The following XRCC4 variants were observed in gnomAD, a reference collection of about 807,000 sequenced individuals.
The protein encoded by XRCC4 is DNA repair protein XRCC4.
In XRCC4, 28 loss-of-function variants were observed where a neutral mutation model predicts 39.1. That is an observed-to-expected ratio of 0.72 (90% CI 0.53 to 0.98). The LOEUF is 0.98. Ranked by LOEUF, XRCC4 falls within the 50% of genes least tolerant of loss-of-function variation. XRCC4 has a pLI of 0.00. For missense variants in XRCC4, 350 were observed against 376.4 expected, an observed-to-expected ratio of 0.93 and a Z score of 0.58; for synonymous variants, 123 against 126.4, an observed-to-expected ratio of 0.97 and a Z score of 0.18.
At chr5:83,175,951 C>A (rs1749935423) in intron 3 of XRCC4, among the ~76,000 whole-genome samples, 1 of 152,024 alleles carries the variant, frequency 6.6e-6, no homozygotes, top group Admixed American at 6.6e-5. Flanking sequence ...CATAATGAGA[C>A]CAGGAGTTCA....
chr5:83,193,857 A>G (rs994182039), intron 3 of XRCC4, among the ~76,000 whole-genome samples: 1 of 152,052 alleles, frequency 6.6e-6, no homozygotes, highest in Non-Finnish European at 1.5e-5. Flanking sequence ...AAGTAAGCTT[A>G]TTTTTTTCTC....
chr5:83,171,720 C>T (rs1749735349), intron 3 of XRCC4, among the ~76,000 whole-genome samples: 1 of 152,142 alleles, frequency 6.6e-6, no homozygotes, highest in Non-Finnish European at 1.5e-5. Context: ...ATGCCTTAGC[C>T]TAGCATTCAT....
chr5:83,337,950 A>G (rs1756642580), intron 7 of XRCC4, among the ~76,000 whole-genome samples: 1 of 152,198 alleles, frequency 6.6e-6, no homozygotes, highest in African/African-American at 2.4e-5. Flanking sequence ...AAACAATAAC[A>G]TAAGAACTTG....
intron 7 of XRCC4, among the ~76,000 whole-genome samples, chr5:83,303,397 C>T (rs1755364527): frequency 6.6e-6 from 1 of 151,984 alleles, no homozygotes; most frequent in Admixed American, 6.6e-5. Flanking sequence ...AACATTTGTA[C>T]ATTTGTAAGA....
At chr5:83,093,552 T>C (rs531492862) in intron 1 of XRCC4, among the ~76,000 whole-genome samples, 5 of 152,224 alleles carry the variant, frequency 3.3e-5, no homozygotes, top group African/African-American at 9.6e-5. Flanking sequence ...ATAGATTGTA[T>C]GTTAGTTCAC....
rs558960212 is a variant in XRCC4 at position 83,300,270 on chromosome 5, G to A, written c.893+41593G>A. Among the ~76,000 whole-genome samples, 8 of 152,002 alleles carry A rather than the reference G, an allele frequency of 5.3e-5. No homozygotes were observed. In the South Asian group the frequency reaches 1.7e-3, roughly 32 times the overall value. On this transcript the variant is annotated intron_variant, in intron 7 of 7. Transcript: ENST00000396027. ...TGTCTCTCCCTGATGTGCTTCCCAA[G>A]TCTGTAAAAATACCTCACTAGCTCT...
intron 7 of XRCC4, among the ~76,000 whole-genome samples, chr5:83,303,109 AG>A (rs1239464675): frequency 6.7e-6 from 1 of 150,074 alleles, no homozygotes; most frequent in Admixed American, 6.7e-5. Flanking sequence ...GCTACTTGGG[AG>A]GCTGAGGCAG....
chr5:83,325,565 G>T (rs972043414), intron 7 of XRCC4, among the ~76,000 whole-genome samples: 15 of 152,022 alleles, frequency 9.9e-5, no homozygotes, highest in African/African-American at 3.6e-4. Context: ...GTTATGTTTG[G>T]TTTTCTGTTC....
chr5:83,126,483 A>G (rs1227917352), intron 3 of XRCC4, among the ~76,000 whole-genome samples: 2 of 152,140 alleles, frequency 1.3e-5, no homozygotes, highest in Non-Finnish European at 2.9e-5. Context: ...GTTATCTGCA[A>G]ATAGATGCAG....
chr5:83,308,153 A>T (rs139737095), intron 7 of XRCC4, among the ~76,000 whole-genome samples: 12 of 152,214 alleles, frequency 7.9e-5, no homozygotes, highest in Non-Finnish European at 1.5e-4. Context: ...TTGTTAGAAG[A>T]TATCTACAAT....
At chr5:83,160,730 A>G (rs900531990) in intron 3 of XRCC4, among the ~76,000 whole-genome samples, 2 of 151,968 alleles carry the variant, frequency 1.3e-5, no homozygotes, top group Non-Finnish European at 2.9e-5. Flanking sequence ...TTCTCTATGT[A>G]TTTCTATGAT....
At chr5:83,275,547 G>A (rs1191871524) in intron 7 of XRCC4, among the ~76,000 whole-genome samples, 2 of 151,976 alleles carry the variant, frequency 1.3e-5, no homozygotes, top group Admixed American at 6.5e-5. Context: ...CGCCCGCCTC[G>A]GCCTCCCAAA....
intron 7 of XRCC4, among the ~76,000 whole-genome samples, chr5:83,304,551 T>C (rs995966884): frequency 2.0e-5 from 3 of 152,222 alleles, no homozygotes; most frequent in African/African-American, 7.2e-5. Context: ...TTTATTGATG[T>C]ATAGAATTTT....
chr5:83,297,363 A>G (rs1755130867), intron 7 of XRCC4, among the ~76,000 whole-genome samples: 1 of 151,994 alleles, frequency 6.6e-6, no homozygotes, highest in Non-Finnish European at 1.5e-5. Flanking sequence ...ACATACTTTT[A>G]TATGTTAGCC....
intron 3 of XRCC4, among the ~76,000 whole-genome samples, chr5:83,120,818 A>G (rs564653767): frequency 1.2e-4 from 19 of 152,340 alleles, no homozygotes; most frequent in Middle Eastern, 3.4e-3. Flanking sequence ...AAATGTGCAT[A>G]TAGAAAGTAT....
At chr5:83,162,144 G>A (rs562844004) in intron 3 of XRCC4, among the ~76,000 whole-genome samples, 2 of 152,278 alleles carry the variant, frequency 1.3e-5, no homozygotes, top group East Asian at 3.9e-4. Flanking sequence ...TCCAGCCTGG[G>A]CGACAGAGCG....
chr5:83,109,560 A>G (rs1359480008), intron 2 of XRCC4, among the ~76,000 whole-genome samples: 1 of 151,994 alleles, frequency 6.6e-6, no homozygotes, highest in Non-Finnish European at 1.5e-5. Context: ...CCACACACAC[A>G]TTCCAACAAA....
intron 1 of XRCC4, among the ~76,000 whole-genome samples, chr5:83,082,002 C>T (rs946513306): frequency 6.6e-6 from 1 of 152,068 alleles, no homozygotes; most frequent in African/African-American, 2.4e-5. Context: ...TTGACTCCTT[C>T]CTTTCTCTTG....
At position 83,203,538 on chromosome 5, in the gene XRCC4, A is replaced by G; in HGVS notation, c.483-14A>G. On this transcript the variant is annotated splice_polypyrimidine_tract_variant and intron_variant, in intron 4 of 7. Coordinates refer to ENST00000396027, the MANE Select transcript of XRCC4 (RefSeq NM_003401.5). Reference sequence around the variant, plus strand: ...AACTGCATGACTAATTTGTTTACTTATTTACTTTTTTAGATTTGAAAAATG... The same window carrying G: ...AACTGCATGACTAATTTGTTTACTTGTTTACTTTTTTAGATTTGAAAAATG... 2 of 1,574,380 alleles carry G rather than the reference A, an allele frequency of 1.3e-6. No homozygotes were observed. The highest frequency in any genetic ancestry group is 1.7e-4 in the Middle Eastern group (1 of 5,806).
Sources: gnomAD v4.1 joint callset for allele counts (sites outside exome capture counted in the v4.1 genomes callset) on GRCh38, gnomAD v4.1.1 for gene constraint, MANE v1.5 for transcripts, NCBI Gene and HGNC (gene_info 2026-07-23, HGNC 2026-07-21) for gene names.